The following SSBP3 variants were observed in gnomAD, a reference collection of about 807,000 sequenced individuals.
SSBP3 encodes single stranded DNA binding protein 3, also known as single-stranded DNA-binding protein 3.
A neutral mutation model predicts 69.6 loss-of-function variants in SSBP3; 5 were observed. That is an observed-to-expected ratio of 0.07 (90% CI 0.04 to 0.15). The LOEUF is 0.15. Ranked by LOEUF, SSBP3 falls within the 10% of genes least tolerant of loss-of-function variation. The probability of loss-of-function intolerance (pLI) is 1.00; values close to 1 mark genes in which losing one functional copy is unlikely to be tolerated. For missense variants in SSBP3, 312 were observed against 534.0 expected (o/e 0.58, Z 4.10); for synonymous variants, 196 against 193.4 (o/e 1.01, Z -0.11).
At chr1:54,273,503 C>T (rs1186973893) in intron 5 of SSBP3, among the ~76,000 whole-genome samples, 2 of 152,242 alleles carry the variant, frequency 1.3e-5, no homozygotes, top group African/African-American at 4.8e-5. Flanking sequence ...GCTGGGCAGA[C>T]GTCAGGCACC....
chr1:54,316,467 G>A (rs1303762525), intron 4 of SSBP3, among the ~76,000 whole-genome samples: 6 of 146,244 alleles, frequency 4.1e-5, no homozygotes, highest in Admixed American at 1.4e-4. Context: ...GTGAAACCCC[G>A]TCTCTACTAA....
At chr1:54,306,621 C>T (rs1385672626) in intron 4 of SSBP3, among the ~76,000 whole-genome samples, 1 of 152,156 alleles carries the variant, frequency 6.6e-6, no homozygotes, top group African/African-American at 2.4e-5. Flanking sequence ...TAATACTAAA[C>T]ATTTTTTGGT....
chr1:54,296,542 T>C (rs1265982380), intron 4 of SSBP3, among the ~76,000 whole-genome samples: 1 of 152,224 alleles, frequency 6.6e-6, no homozygotes, highest in Non-Finnish European at 1.5e-5. Context: ...GCTGGACAGA[T>C]GTGGCCTCCG....
At chr1:54,368,441 T>C (rs1647064575) in intron 4 of SSBP3, among the ~76,000 whole-genome samples, 9 of 151,402 alleles carry the variant, frequency 5.9e-5, no homozygotes, top group Admixed American at 5.9e-4. Flanking sequence ...GACTTGTTCG[T>C]GGATTGCCAA....
chr1:54,370,362 T>C (rs1230773264), intron 4 of SSBP3, among the ~76,000 whole-genome samples: 1 of 152,226 alleles, frequency 6.6e-6, no homozygotes, highest in East Asian at 1.9e-4. Context: ...ATTCGATTGA[T>C]AATGGCTGAC....
chr1:54,307,813 C>A (rs1182590369), intron 4 of SSBP3, among the ~76,000 whole-genome samples: 1 of 152,136 alleles, frequency 6.6e-6, no homozygotes, highest in Non-Finnish European at 1.5e-5. Flanking sequence ...AGCAAGTTAC[C>A]CTATATGGTC....
chr1:54,299,846 T>G (rs1645770170), intron 4 of SSBP3, among the ~76,000 whole-genome samples: 1 of 152,138 alleles, frequency 6.6e-6, no homozygotes, highest in African/African-American at 2.4e-5. Flanking sequence ...GATTTTCTGC[T>G]CCTTGCCACA....
rs547415302 is a variant in SSBP3, at chr1:54,265,004, TA to T, written c.367-6856del. Among the ~76,000 whole-genome samples, 207 of 152,244 alleles carry T rather than the reference TA, an allele frequency of 1.4e-3. 2 individuals carry two copies. Among genetic ancestry groups the T allele is most frequent in the African/African-American group, 4.8e-3 (199 of 41,532 alleles). ...TGAGTGAATACAAAATTACAATAAT[TA>T]TACACAGCAAAAGGCACTTGATAGA... On this transcript the variant is annotated intron_variant, in intron 5 of 17. Transcript: ENST00000610401.
At chr1:54,237,591 TTG>T (rs1297007294) in intron 14 of SSBP3, 2 of 155,546 alleles carry the variant, frequency 1.3e-5, no homozygotes, top group Non-Finnish European at 2.9e-5. Context: ...CCTAATCCAG[TTG>T]TGTGTGTCCT....
At chr1:54,289,024 AAAAAAAAAAAAAC>A (rs1406434765) in intron 4 of SSBP3, among the ~76,000 whole-genome samples, 46 of 90,248 alleles carry the variant, frequency 5.1e-4, no homozygotes, top group Middle Eastern at 9.8e-3. Flanking sequence ...TGTCTCCAAA[AAAAAAAAAAAAAC>A]AAAAAAACAA....
At chr1:54,282,796 C>T (rs1645421028) in intron 4 of SSBP3, among the ~76,000 whole-genome samples, 1 of 152,226 alleles carries the variant, frequency 6.6e-6, no homozygotes, top group African/African-American at 2.4e-5. Flanking sequence ...GTCCCCAAAC[C>T]CCACCATGAC....
chr1:54,335,239 T>C (rs1249200527), intron 4 of SSBP3, among the ~76,000 whole-genome samples: 1 of 152,232 alleles, frequency 6.6e-6, no homozygotes, highest in East Asian at 1.9e-4. Flanking sequence ...GTCATAAACA[T>C]AGCCCTGTTC....
intron 4 of SSBP3, among the ~76,000 whole-genome samples, chr1:54,399,391 C>T (rs953193175): frequency 2.0e-5 from 3 of 152,228 alleles, no homozygotes; most frequent in Non-Finnish European, 2.9e-5. Context: ...CTGTGTGCCT[C>T]AGCTGCTTCA....
chr1:54,393,718 A>G (rs966398840), intron 4 of SSBP3, among the ~76,000 whole-genome samples: 2 of 152,354 alleles, frequency 1.3e-5, no homozygotes, highest in African/African-American at 2.4e-5. Context: ...TATTGTGTGT[A>G]TATGTGTAAA....
At chr1:54,399,125 G>A (rs1364936062) in intron 4 of SSBP3, among the ~76,000 whole-genome samples, 11 of 152,208 alleles carry the variant, frequency 7.2e-5, no homozygotes, top group East Asian at 3.8e-4. Context: ...CAATCAGCAC[G>A]TGTGCCTGCT....
intron 14 of SSBP3, 37 bp from the exon 15 acceptor site, chr1:54,228,863 C>A (rs768898732): frequency 1.3e-6 from 2 of 1,595,786 alleles, no homozygotes; most frequent in East Asian, 4.5e-5. Flanking sequence ...GCTCAGCGGG[C>A]CCTGGCCCTC....
intron 13 of SSBP3, 54 bp from the exon 14 acceptor site, chr1:54,239,253 A>C (rs1644560901): frequency 2.1e-6 from 3 of 1,424,894 alleles, no homozygotes; most frequent in Non-Finnish European, 1.9e-6. Context: ...TTCTTAATTA[A>C]AACAAACTCA....
At chr1:54,317,867 G>A (rs1004065320) in intron 4 of SSBP3, among the ~76,000 whole-genome samples, 2 of 152,194 alleles carry the variant, frequency 1.3e-5, no homozygotes, top group Non-Finnish European at 2.9e-5. Flanking sequence ...CTGGGTTCGA[G>A]TGATTCTCCT....
chr1:54,281,142 C>A (rs1645384065), intron 5 of SSBP3, among the ~76,000 whole-genome samples: 1 of 152,154 alleles, frequency 6.6e-6, no homozygotes, highest in Admixed American at 6.5e-5. Flanking sequence ...TAGCCCCCAC[C>A]ACCTCCCTGG....
Sources: allele counts gnomAD v4.1 joint callset (sites outside exome capture counted in the v4.1 genomes callset), GRCh38; gene constraint gnomAD v4.1.1; transcripts MANE v1.5; gene names NCBI Gene and HGNC (gene_info 2026-07-23, HGNC 2026-07-21).